LRRTM4: variants seen among roughly 807,000 people sequenced by gnomAD.
The protein encoded by LRRTM4 is leucine rich repeat transmembrane neuronal 4, also known as leucine-rich repeat transmembrane neuronal protein 4.
A neutral mutation model predicts 47.6 loss-of-function variants in LRRTM4; 25 were observed. The ratio of observed to expected loss-of-function variants is 0.53; its 90% confidence interval spans 0.38 to 0.73. LRRTM4 has a LOEUF of 0.73. Among genes scored for constraint, LRRTM4 ranks in the 30% least tolerant of loss-of-function variants. LRRTM4 has a pLI of 0.00. For synonymous variants in LRRTM4, 311 were observed against 269.5 expected, an observed-to-expected ratio of 1.15 and a Z score of -1.51; for missense variants, 638 against 713.4, an observed-to-expected ratio of 0.89 and a Z score of 1.20.
At chr2:77,188,609 G>GA (rs1673579050) in intron 3 of LRRTM4, among the ~76,000 whole-genome samples, 1 of 152,072 alleles carries the variant, frequency 6.6e-6, no homozygotes, top group African/African-American at 2.4e-5. Flanking sequence ...ACCCAAATAT[G>GA]ATCCATCCAC....
At chr2:77,194,745 G>A (rs375370328) in intron 3 of LRRTM4, among the ~76,000 whole-genome samples, 3 of 151,992 alleles carry the variant, frequency 2.0e-5, no homozygotes, top group African/African-American at 7.3e-5. Context: ...CAGGACCTGG[G>A]TAACATGAGC....
At chr2:77,158,257 T>TA (rs1047955678) in intron 3 of LRRTM4, among the ~76,000 whole-genome samples, 6 of 152,236 alleles carry the variant, frequency 3.9e-5, no homozygotes, top group African/African-American at 1.4e-4. Flanking sequence ...TATTTTACAA[T>TA]AAAAATGTCA....
At chr2:77,128,870 C>G (rs1286804238) in intron 3 of LRRTM4, among the ~76,000 whole-genome samples, 1 of 152,182 alleles carries the variant, frequency 6.6e-6, no homozygotes, top group African/African-American at 2.4e-5. Flanking sequence ...AAACTCCTGA[C>G]CTCAGGTGAT....
chr2:77,236,713 T>C (rs993095500), intron 3 of LRRTM4, among the ~76,000 whole-genome samples: 2 of 152,138 alleles, frequency 1.3e-5, no homozygotes, highest in Non-Finnish European at 2.9e-5. Flanking sequence ...GTCTAGTTGT[T>C]GAGTGTTTTT....
intron 3 of LRRTM4, among the ~76,000 whole-genome samples, chr2:77,468,345 GA>G (rs1299498108): frequency 6.6e-6 from 1 of 152,040 alleles, no homozygotes; most frequent in African/African-American, 2.4e-5. Flanking sequence ...TGTGAACTAA[GA>G]ACCATTATTT....
At position 76,787,222 on chromosome 2, in the gene LRRTM4, GTTGA is replaced by G. The variant is rs201413641; in HGVS notation, c.1552-38310_1552-38307del. Among the ~76,000 whole-genome samples, 1,152 of 152,188 alleles carry G rather than the reference GTTGA, an allele frequency of 7.6e-3. 8 individuals carry two copies. The highest frequency in any genetic ancestry group is 0.011 in the Non-Finnish European group (768 of 67,952). On this transcript the variant is annotated intron_variant, in intron 3 of 3. Coordinates refer to ENST00000409884, the MANE Select transcript of LRRTM4 (RefSeq NM_001134745.3). ...AAAATAAAAATGATCTGGGAAACATGTTGATTGTGTGGGAAAAGATTACTCCAGA... is the reference window on the plus strand; with the variant it reads ...AAAATAAAAATGATCTGGGAAACATGTTGTGTGGGAAAAGATTACTCCAGA...
rs532238781 is a variant in LRRTM4, at chr2:76,826,040, A to T, written c.1552-77124T>A. On this transcript the variant is annotated intron_variant, in intron 3 of 3. Transcript: ENST00000409884. ...TAAAATAGTTTCTTGGAATTGAATG[A>T]ATAGAATTACACATAGAATAATAGT... Among the ~76,000 whole-genome samples, 105 of 151,900 alleles carry T rather than the reference A, an allele frequency of 6.9e-4. 1 individual carries two copies. Among genetic ancestry groups the T allele is most frequent in the African/African-American group, 2.5e-3 (105 of 41,510 alleles).
At chr2:77,413,434 A>G (rs1203822072) in intron 3 of LRRTM4, among the ~76,000 whole-genome samples, 1 of 152,156 alleles carries the variant, frequency 6.6e-6, no homozygotes, top group Non-Finnish European at 1.5e-5. Flanking sequence ...CCAAACAGTG[A>G]AAAGTTTTCT....
intron 3 of LRRTM4, among the ~76,000 whole-genome samples, chr2:77,457,622 G>T (rs1180952913): frequency 6.6e-6 from 1 of 151,840 alleles, no homozygotes; most frequent in Non-Finnish European, 1.5e-5. Flanking sequence ...GCTGTATCTG[G>T]TACTATAAAA....
chr2:76,748,890 T>C lies in LRRTM4; in HGVS notation c.1578A>G (p.Pro526=), dbSNP rs770385271. 6 of 1,614,000 alleles carry C rather than the reference T, an allele frequency of 3.7e-6. No individual in the cohort carries two copies. The highest frequency in any genetic ancestry group is 3.3e-5 in the Admixed American group (2 of 60,024). ...CEMPHHMKPL[P]YYSYDQPVIG... ...TCACAGGCTGGTCATAGCTGTAATA[T>C]GGCAAGGGCTTCATGTGGTGTGGCA... is the stretch of plus-strand genomic sequence containing the variant. The change falls in exon 4 of 4, where the codon CCA becomes CCG. Residue 526 remains proline, a synonymous_variant. Transcript: ENST00000409884.
At position 77,455,437 on chromosome 2, in the gene LRRTM4, T is replaced by C. The variant is rs376180963; in HGVS notation, c.1551+62881A>G. Among the ~76,000 whole-genome samples the C allele has an allele frequency of 1.8e-4, 28 of 152,268 alleles. No homozygotes were observed. The East Asian group carries it at 3.1e-3, about 17-fold the overall frequency. ...GCCAAGATAACCTAGTTGATCCACCTGAAATCCAAGTGGCTCCAAATGACA... is the reference window on the plus strand; with the variant it reads ...GCCAAGATAACCTAGTTGATCCACCCGAAATCCAAGTGGCTCCAAATGACA... On this transcript the variant is annotated intron_variant, in intron 3 of 3. Coordinates refer to ENST00000409884, the MANE Select transcript of LRRTM4 (RefSeq NM_001134745.3).
chr2:77,063,934 G>T (rs1322476224), intron 3 of LRRTM4, among the ~76,000 whole-genome samples: 1 of 151,894 alleles, frequency 6.6e-6, no homozygotes, highest in Non-Finnish European at 1.5e-5. Flanking sequence ...TTTTTGGAAG[G>T]AGACTAAGGC....
At chr2:76,966,527 T>C (rs1489021445) in intron 3 of LRRTM4, among the ~76,000 whole-genome samples, 1 of 151,398 alleles carries the variant, frequency 6.6e-6, no homozygotes, top group Non-Finnish European at 1.5e-5. Flanking sequence ...AAAAAATAAC[T>C]ACGCAAGCAA....
At chr2:77,353,439 A>G (rs1671856940) in intron 3 of LRRTM4, among the ~76,000 whole-genome samples, 2 of 152,124 alleles carry the variant, frequency 1.3e-5, no homozygotes, top group African/African-American at 4.8e-5. Flanking sequence ...ATACTTTTCT[A>G]TTGTATGGCT....
chr2:77,276,900 A>G (rs867419438), intron 3 of LRRTM4, among the ~76,000 whole-genome samples: 1 of 151,398 alleles, frequency 6.6e-6, no homozygotes, highest in African/African-American at 2.4e-5. Context: ...ATAATCAGGA[A>G]AAGAGGGCAA....
intron 3 of LRRTM4, among the ~76,000 whole-genome samples, chr2:77,123,619 A>G (rs769981860): frequency 6.6e-5 from 10 of 152,094 alleles, no homozygotes; most frequent in Non-Finnish European, 1.2e-4. Context: ...TTTTTGAGTG[A>G]CATTTTAATA....
At chr2:77,230,182 T>G (rs1253387451) in intron 3 of LRRTM4, among the ~76,000 whole-genome samples, 1 of 152,170 alleles carries the variant, frequency 6.6e-6, no homozygotes, top group Non-Finnish European at 1.5e-5. Flanking sequence ...ATCCTTTGCA[T>G]TCTTTCAACA....
intron 3 of LRRTM4, among the ~76,000 whole-genome samples, chr2:76,905,601 A>T (rs1673802630): frequency 6.6e-6 from 1 of 150,854 alleles, no homozygotes; most frequent in Admixed American, 6.7e-5. Flanking sequence ...AACTTTGAAA[A>T]AAATTTAGAC....
At chr2:77,143,524 G>T (rs1672178865) in intron 3 of LRRTM4, among the ~76,000 whole-genome samples, 1 of 152,088 alleles carries the variant, frequency 6.6e-6, no homozygotes, top group South Asian at 2.1e-4. Flanking sequence ...TCAATATTGT[G>T]ATCTGTGCTT....
Sources: gnomAD v4.1 joint callset for allele counts (sites outside exome capture counted in the v4.1 genomes callset) on GRCh38, gnomAD v4.1.1 for gene constraint, MANE v1.5 for transcripts, NCBI Gene and HGNC (gene_info 2026-07-23, HGNC 2026-07-21) for gene names.